Variants in LHFPL1 observed in about 807,000 individuals in gnomAD.
The protein encoded by LHFPL1 is LHFPL tetraspan subfamily member 1 protein.
In LHFPL1, 4 loss-of-function variants were observed where a neutral mutation model predicts 12.1. That is an observed-to-expected ratio of 0.33 (90% confidence interval 0.16 to 0.76). The LOEUF is 0.76. Ranked by LOEUF, LHFPL1 falls within the 30% of genes least tolerant of loss-of-function variation. The probability of loss-of-function intolerance (pLI) is 0.61; values close to 1 mark genes in which losing one functional copy is unlikely to be tolerated. For synonymous variants in LHFPL1, 52 were observed against 61.9 expected, an observed-to-expected ratio of 0.84 and a Z score of 0.75; for missense variants, 141 against 174.1, an observed-to-expected ratio of 0.81 and a Z score of 1.07.
chrX:112,637,492 G>C (rs915199350), intron 3 of LHFPL1, among the ~76,000 whole-genome samples: 11 of 111,934 alleles, frequency 9.8e-5, no homozygotes, highest in South Asian at 3.8e-4. Flanking sequence ...ATGGACCGGA[G>C]TGAGTCAGAA....
At chrX:112,674,381 G>A (rs1392684574) in intron 1 of LHFPL1, among the ~76,000 whole-genome samples, 5 of 111,466 alleles carry the variant, frequency 4.5e-5, no homozygotes, top group Non-Finnish European at 7.5e-5. Context: ...CATTGGCTTA[G>A]GCAAGGATTT....
At chrX:112,645,643 C>T (rs892201740) in intron 3 of LHFPL1, among the ~76,000 whole-genome samples, 1 of 111,452 alleles carries the variant, frequency 9.0e-6, no homozygotes, top group Non-Finnish European at 1.9e-5. Context: ...AATCTATGCC[C>T]AACCCTCTCT....
At chrX:112,678,108 C>G (rs990057288) in intron 1 of LHFPL1, among the ~76,000 whole-genome samples, 1 of 111,197 alleles carries the variant, frequency 9.0e-6, no homozygotes, top group African/African-American at 3.3e-5. Flanking sequence ...AAATGATCAA[C>G]TCTAAATAAA....
At chrX:112,674,375 G>A (rs1393688034) in intron 1 of LHFPL1, among the ~76,000 whole-genome samples, 2 of 111,316 alleles carry the variant, frequency 1.8e-5, no homozygotes, top group East Asian at 5.6e-4. Context: ...TCTAGACATT[G>A]GCTTAGGCAA....
At chrX:112,672,044 A>G (rs1286813575) in intron 1 of LHFPL1, among the ~76,000 whole-genome samples, 1 of 111,698 alleles carries the variant, frequency 9.0e-6, no homozygotes, top group African/African-American at 3.3e-5. Context: ...CCAGGTTTAA[A>G]TGGATAGAAT....
chrX:112,659,000 C>T (rs141971527), intron 3 of LHFPL1, among the ~76,000 whole-genome samples: 12 of 111,934 alleles, frequency 1.1e-4, no homozygotes, highest in African/African-American at 3.6e-4. Flanking sequence ...GAAAACTTCT[C>T]GCTCAGTGAA....
At chrX:112,660,752 G>A (rs780144343) in intron 2 of LHFPL1, 27 bp from the exon 3 acceptor site, 2 of 1,035,616 alleles carry the variant, frequency 1.9e-6, no homozygotes, top group South Asian at 4.0e-5. Context: ...CACACAGACA[G>A]AAAAAATATA....
intron 3 of LHFPL1, among the ~76,000 whole-genome samples, chrX:112,659,001 G>C (rs760532692): frequency 9.0e-6 from 1 of 111,645 alleles, no homozygotes; most frequent in Admixed American, 9.5e-5. Context: ...AAAACTTCTC[G>C]CTCAGTGAAA....
chrX:112,643,319 C>T (rs759954740), intron 3 of LHFPL1, among the ~76,000 whole-genome samples: 1 of 96,542 alleles, frequency 1.0e-5, no homozygotes, highest in East Asian at 3.2e-4. Flanking sequence ...TCAGAGGCTG[C>T]AGTGAGCCGA....
At chrX:112,664,365 TCTC>T (rs1255874287) in intron 2 of LHFPL1, among the ~76,000 whole-genome samples, 1 of 112,127 alleles carries the variant, frequency 8.9e-6, no homozygotes, top group African/African-American at 3.2e-5. Flanking sequence ...CTACCTGTGT[TCTC>T]CATGCTAATT....
At chrX:112,633,374 T>G (rs1930246291) in intron 3 of LHFPL1, among the ~76,000 whole-genome samples, 1 of 112,618 alleles carries the variant, frequency 8.9e-6, no homozygotes, top group Admixed American at 9.4e-5. Flanking sequence ...CCCTGATCCC[T>G]TGTACTTTAA....
intron 3 of LHFPL1, among the ~76,000 whole-genome samples, chrX:112,649,162 T>C (rs1266299854): frequency 1.8e-5 from 2 of 112,435 alleles, no homozygotes; most frequent in African/African-American, 6.5e-5. Context: ...TGTATACATG[T>C]GCCATGTTGG....
intron 2 of LHFPL1, among the ~76,000 whole-genome samples, chrX:112,670,735 TG>T (rs988096822): frequency 8.9e-6 from 1 of 112,260 alleles, no homozygotes; most frequent in Non-Finnish European, 1.9e-5. Context: ...TGTTTTTAAA[TG>T]GGCAACCTGC....
chrX:112,669,138 A>C (rs960878961), intron 2 of LHFPL1, among the ~76,000 whole-genome samples: 2 of 112,799 alleles, frequency 1.8e-5, no homozygotes, highest in African/African-American at 6.4e-5. Flanking sequence ...TTCTTTCTAC[A>C]GTTACTGAAC....
intron 3 of LHFPL1, 61 bp downstream of exon 3, chrX:112,660,564 TAA>T: frequency 1.1e-6 from 1 of 941,163 alleles, no homozygotes; most frequent in Non-Finnish European, 1.5e-6. Context: ...CTCCAAGTGG[TAA>T]AGCACTTTGG....
rs149200829 is a variant in LHFPL1, at chrX:112,673,322, C to T, written c.-14-1918G>A. On this transcript the variant is annotated intron_variant, in intron 1 of 3. Coordinates refer to ENST00000371968, the MANE Select transcript of LHFPL1 (RefSeq NM_178175.4). The stretch of plus-strand genomic sequence containing the variant: ...GGCCCCTGGGAATTAGGCTTTGTGG[C>T]TGAGAATGGGAGAAATGAGAGAAAG... 6.2e-3 allele frequency among the ~76,000 whole-genome samples: 686 copies of T among 111,186 alleles called. 5 individuals are homozygous for T. The highest frequency in any genetic ancestry group is 6.9e-3 in the Admixed American group (72 of 10,459).
intron 3 of LHFPL1, among the ~76,000 whole-genome samples, chrX:112,635,470 G>A (rs968804715): frequency 2.7e-5 from 3 of 112,285 alleles, no homozygotes; most frequent in African/African-American, 9.7e-5. Flanking sequence ...AATTACTACA[G>A]TCCAAGTCTT....
chrX:112,639,127 A>G lies in LHFPL1; in HGVS notation c.482-7526T>C, dbSNP rs1450389361. Among the ~76,000 whole-genome samples, 12 of 111,554 alleles carry G rather than the reference A, an allele frequency of 1.1e-4. No individual in the cohort carries two copies. The Admixed American group carries it at 1.1e-3, about 11-fold the overall frequency. On this transcript the variant is annotated intron_variant, in intron 3 of 3. Coordinates refer to ENST00000371968, the MANE Select transcript of LHFPL1 (RefSeq NM_178175.4). ...TGAATAATCCACAAAGATAAAGCAA[A>G]GCCAACGAATTCAAGAGCAATTGCC...
intron 3 of LHFPL1, among the ~76,000 whole-genome samples, chrX:112,658,543 T>A (rs1243782614): frequency 1.8e-5 from 2 of 108,186 alleles, no homozygotes; most frequent in African/African-American, 6.7e-5. Context: ...ATGTTCGAAA[T>A]CATCAGTCAT....
Sources: allele counts gnomAD v4.1 joint callset (sites outside exome capture counted in the v4.1 genomes callset), GRCh38; gene constraint gnomAD v4.1.1; transcripts MANE v1.5; gene names NCBI Gene and HGNC (gene_info 2026-07-23, HGNC 2026-07-21).